The following CORO7 variants were observed in gnomAD, a reference collection of about 807,000 sequenced individuals.
CORO7 encodes the protein coronin-7.
CORO7 carries 107 observed loss-of-function variants against 126.6 expected under a neutral mutation model. The observed-to-expected ratio is 0.85, with a 90% confidence interval of 0.72 to 0.99. The LOEUF (loss-of-function observed/expected upper bound fraction) is 0.99. Among genes scored for constraint, CORO7 ranks in the 50% least tolerant of loss-of-function variants. The probability of loss-of-function intolerance (pLI) is 0.00; values close to 1 mark genes in which losing one functional copy is unlikely to be tolerated. For synonymous variants in CORO7, 603 were observed against 536.8 expected (o/e 1.12, Z -1.70); for missense variants, 1,314 against 1,255.8 (o/e 1.05, Z -0.70).
Position 4,362,271 on chromosome 16 carries a change from TG to T in CORO7, c.1403-112del. The T allele has an allele frequency of 7.0e-7, 1 of 1,428,742 alleles. No homozygotes were observed. Among genetic ancestry groups the T allele is most frequent in the Non-Finnish European group, 9.3e-7 (1 of 1,071,132 alleles). 88.5% of individuals were successfully genotyped at this position (1,428,742 alleles called of 1,614,324 possible). On this transcript the variant is annotated intron_variant, in intron 15 of 27. Coordinates refer to ENST00000251166, the MANE Select transcript of CORO7 (RefSeq NM_024535.5). The surrounding 1 kb of genome is among the most constrained non-coding windows in gnomAD (Gnocchi z 5.3). ...CCTCACCCCAGGTGGATGTACAGCA[TG>T]GACCTAGGCCCAGGCCTTTGCTAAT...
chr16:4,359,425 C>T (rs184824335), intron 22 of CORO7, 40 bp from the exon 23 acceptor site: 201 of 1,613,512 alleles, frequency 1.2e-4, no homozygotes, highest in Middle Eastern at 1.7e-4. Context: ...TCCGGCAACA[C>T]TGGCCTTCCC....
At chr16:4,385,077 G>A (rs927093377) in intron 9 of CORO7, among the ~76,000 whole-genome samples, 1 of 152,182 alleles carries the variant, frequency 6.6e-6, no homozygotes, top group Non-Finnish European at 1.5e-5. Flanking sequence ...CCCAGCCAGG[G>A]GGCGACCAAG....
In CORO7 at chr16:4,360,338, C is replaced by A. The variant is rs773671001; in HGVS notation, c.2048G>T (p.Arg683Leu). 6.2e-7 allele frequency: 1 copy of A among 1,613,714 alleles called. No individual in the cohort carries two copies. The highest frequency in any genetic ancestry group is 8.5e-7 in the Non-Finnish European group (1 of 1,180,004). ...ACATACCCAGACAATGCGAGCTCCG[C>A]GTCCTCCCTTGGGCCCTGGGCCTTC... is the stretch of plus-strand genomic sequence containing the variant. ...LQEGPGPKGG[R>L]GARIVWVCDG... The change falls in exon 21 of 28, where the codon CGC (arginine) becomes CTC (leucine). Residue 683 changes from arginine to leucine, a missense_variant. By Grantham distance (102) the Arg-to-Leu change is moderately radical. Transcript: ENST00000251166.
intron 1 of CORO7, chr16:4,415,942 C>T: frequency 1.0e-6 from 1 of 971,324 alleles, no homozygotes; most frequent in African/African-American, 1.8e-5. Context: ...CCGGCGGAAA[C>T]CCGAGGGAGG....
rs1250917172 is a variant in CORO7 at position 4,364,275 on chromosome 16, C to T, written c.1275+1G>A. On this transcript the variant is annotated splice_donor_variant, in intron 14 of 27. Transcript: ENST00000251166. LOFTEE classifies it high-confidence loss of function. ...AGGATGGGGGCGGCCCTGGTACTTACGCTTGCGTCTGCATCACCCACGGGT... is the reference window on the plus strand; with the variant it reads ...AGGATGGGGGCGGCCCTGGTACTTATGCTTGCGTCTGCATCACCCACGGGT... The T allele has an allele frequency of 8.5e-6, 13 of 1,537,046 alleles. No individual in the cohort carries two copies. The highest frequency in any genetic ancestry group is 2.1e-5 in the Admixed American group (1 of 47,934).
rs140229140 is a variant in CORO7 at position 4,381,767 on chromosome 16, G to A, written c.785+6219C>T. The stretch of plus-strand genomic sequence containing the variant: ...CGCCTGCGGCTGCTGGCAGCTGCCC[G>A]CAACCCCTTCAACTGCGTGTGCCCC... On this transcript the variant is annotated intron_variant, in intron 9 of 27. Coordinates refer to ENST00000251166, the MANE Select transcript of CORO7 (RefSeq NM_024535.5). 127 of 1,601,686 alleles carry A rather than the reference G, an allele frequency of 7.9e-5. No homozygotes were observed. Among genetic ancestry groups the A allele is most frequent in the Admixed American group, 6.3e-4 (38 of 59,896 alleles).
chr16:4,357,052 G>C (rs1303795569), intron 26 of CORO7, 116 bp downstream of exon 26: 14 of 1,334,924 alleles, frequency 1.0e-5, no homozygotes, highest in Non-Finnish European at 1.5e-5. Context: ...GGTGTGAAGG[G>C]GACGTGACAT....
intron 3 of CORO7, among the ~76,000 whole-genome samples, chr16:4,409,284 G>C (rs1279317275): frequency 1.3e-5 from 2 of 152,250 alleles, no homozygotes; most frequent in African/African-American, 4.8e-5. Context: ...TGGAATCCCA[G>C]CTGGCAGGAC....
chr16:4,399,012 G>A (rs1391338592), intron 6 of CORO7, among the ~76,000 whole-genome samples: 1 of 151,342 alleles, frequency 6.6e-6, no homozygotes, highest in Non-Finnish European at 1.5e-5. Context: ...GGTACGTGAA[G>A]TTAGAACCCT....
At chr16:4,372,208 G>A (rs2054561049) in intron 9 of CORO7, among the ~76,000 whole-genome samples, 1 of 152,136 alleles carries the variant, frequency 6.6e-6, no homozygotes, top group Non-Finnish European at 1.5e-5. Flanking sequence ...CGGCCGGCCA[G>A]GGTGCGCGCC....
In CORO7 at chr16:4,403,592, CAGG is replaced by C. The variant is rs1163733675; in HGVS notation, c.564+1896_564+1898del. Among the ~76,000 whole-genome samples the C allele has an allele frequency of 2.0e-5, 3 of 152,284 alleles. No homozygotes were observed. In the East Asian group the frequency reaches 5.8e-4, roughly 29 times the overall value. ...GAAAACACATCCACTGGGGAAGCAG[CAGG>C]AGCTCCTCCGTCTGTGACTCCTATG... On this transcript the variant is annotated intron_variant, in intron 6 of 27. Coordinates refer to ENST00000251166, the MANE Select transcript of CORO7 (RefSeq NM_024535.5).
intron 1 of CORO7, 100 bp from the exon 2 acceptor site, chr16:4,413,504 C>A: frequency 9.7e-7 from 1 of 1,035,794 alleles, no homozygotes; most frequent in Non-Finnish European, 1.4e-6. Context: ...AACTCTAGCT[C>A]ACAGCTGCAC....
Position 4,407,740 on chromosome 16 carries a change from CA to C in CORO7, c.304-57del. 4.7e-6 allele frequency: 7 copies of C among 1,498,054 alleles called. No homozygotes were observed. In the South Asian group the frequency reaches 9.6e-5, roughly 21 times the overall value. The allele number at this position is 1,498,054 out of a possible 1,614,324, so 92.8% of individuals were successfully genotyped here. On this transcript the variant is annotated intron_variant, in intron 4 of 27. Transcript: ENST00000251166. ...GGCTGAGGGCCTCACTGCCTTGAGT[CA>C]GCTGCCGTGACCCCAGTGAGGTCCC... is the stretch of plus-strand genomic sequence containing the variant.
intron 7 of CORO7, among the ~76,000 whole-genome samples, chr16:4,389,255 C>T (rs2055302609): frequency 6.6e-6 from 1 of 152,170 alleles, no homozygotes. Flanking sequence ...GCTGGAGCTG[C>T]CAGCAGGAAG....
chr16:4,399,928 T>G (rs2055740945), intron 6 of CORO7, among the ~76,000 whole-genome samples: 1 of 152,176 alleles, frequency 6.6e-6, no homozygotes, highest in African/African-American at 2.4e-5. Flanking sequence ...AATACATTGC[T>G]AAGTTAAAGA....
At chr16:4,380,446 T>C (rs905975327) in intron 9 of CORO7, among the ~76,000 whole-genome samples, 1 of 152,262 alleles carries the variant, frequency 6.6e-6, no homozygotes, top group Non-Finnish European at 1.5e-5. Context: ...CCAGCTTCTC[T>C]GCTTACACAC....
intron 9 of CORO7, among the ~76,000 whole-genome samples, chr16:4,386,730 C>T (rs997840273): frequency 1.3e-5 from 2 of 152,218 alleles, no homozygotes; most frequent in African/African-American, 4.8e-5. Context: ...CCTCCCTCAT[C>T]TGTAAAATGG....
rs145738831 is a variant in CORO7 at position 4,391,203 on chromosome 16, G to A, written c.616-2572C>T. On this transcript the variant is annotated intron_variant, in intron 7 of 27. Coordinates refer to ENST00000251166, the MANE Select transcript of CORO7 (RefSeq NM_024535.5). ...TTTGGGAGGCTGTGGTGGGAGGACG[G>A]CTTGAGCCCAGGAGTTCCAGAGCAG... Among the ~76,000 whole-genome samples, 25 of 152,286 alleles carry A rather than the reference G, an allele frequency of 1.6e-4. No homozygotes were observed. The East Asian group carries it at 4.4e-3, about 27-fold the overall frequency.
intron 9 of CORO7, among the ~76,000 whole-genome samples, chr16:4,367,618 AG>A (rs765460291): frequency 2.0e-5 from 3 of 152,170 alleles, no homozygotes; most frequent in Non-Finnish European, 4.4e-5. Context: ...CAGTGGGGGA[AG>A]GGGTGATCCC....
Sources: gnomAD v4.1 joint callset for allele counts (sites outside exome capture counted in the v4.1 genomes callset) on GRCh38, gnomAD v4.1.1 for gene constraint, Gnocchi (gnomAD v3.1) non-coding constraint, MANE v1.5 for transcripts, NCBI Gene and HGNC (gene_info 2026-07-23, HGNC 2026-07-21) for gene names.